Variants in CES5A observed in about 807,000 individuals in gnomAD.
CES5A encodes the protein carboxylesterase 5.
CES5A carries 67 observed loss-of-function variants against 62.9 expected under a neutral mutation model. That is an observed-to-expected ratio of 1.07 (90% confidence interval 0.88 to 1.31). The LOEUF is 1.31. Among genes scored for constraint, CES5A ranks in the 50% most tolerant of loss-of-function variants. The pLI, the probability that CES5A is intolerant of heterozygous loss-of-function variation, is 0.00. For missense variants in CES5A, 748 were observed against 708.5 expected (o/e 1.06, Z -0.63); for synonymous variants, 296 against 280.8 (o/e 1.05, Z -0.54).
At chr16:55,881,408 A>G (rs1221570057) in intron 1 of CES5A, among the ~76,000 whole-genome samples, 1 of 152,194 alleles carries the variant, frequency 6.6e-6, no homozygotes, top group Non-Finnish European at 1.5e-5. Context: ...TGAGGGTGGT[A>G]AGCCTGAGGG....
chr16:55,926,310 A>G (rs2034257282), upstream of CES5A, among the ~76,000 whole-genome samples: 1 of 152,234 alleles, frequency 6.6e-6, no homozygotes, highest in Admixed American at 6.5e-5. Flanking sequence ...TTGTCCTTCA[A>G]CCAATAACTA....
intron 1 of CES5A, among the ~76,000 whole-genome samples, chr16:55,899,628 T>A (rs1284642283): frequency 1.3e-5 from 2 of 152,124 alleles, no homozygotes; most frequent in African/African-American, 4.8e-5. Flanking sequence ...ACCTTCTAAG[T>A]TTTACTAGGT....
At chr16:55,954,068 A>G (rs114541904) in intron 1 of CES5A, among the ~76,000 whole-genome samples, 2,993 of 152,232 alleles carry the variant, frequency 0.02, 77 homozygotes, top group East Asian at 0.095. Context: ...GCCTCTGGTA[A>G]CCATCATTCT....
At chr16:55,942,662 T>G (rs1242824061) in intron 2 of CES5A, among the ~76,000 whole-genome samples, 1 of 152,216 alleles carries the variant, frequency 6.6e-6, no homozygotes, top group Non-Finnish European at 1.5e-5. Context: ...TATTGTATGC[T>G]TCAACATTCC....
intron 8 of CES5A, among the ~76,000 whole-genome samples, chr16:55,857,122 C>G (rs1279938299): frequency 1.3e-5 from 2 of 152,156 alleles, no homozygotes; most frequent in Non-Finnish European, 2.9e-5. Flanking sequence ...AGAAGAGAAG[C>G]CACAGTGGGA....
upstream of CES5A, among the ~76,000 whole-genome samples, chr16:55,927,970 G>A (rs761867120): frequency 4.6e-5 from 7 of 152,308 alleles, no homozygotes; most frequent in African/African-American, 1.4e-4. Context: ...GAGGCTGGGC[G>A]CGGTGGCTCA....
chr16:55,873,411 C>T (rs560201573), intron 2 of CES5A, among the ~76,000 whole-genome samples: 1 of 152,260 alleles, frequency 6.6e-6, no homozygotes, highest in East Asian at 1.9e-4. Context: ...AAAACCCTCA[C>T]CCAGTCTGAC....
At chr16:55,926,206 A>C (rs184375077), upstream of CES5A, among the ~76,000 whole-genome samples, 1 of 152,316 alleles carries the variant, frequency 6.6e-6, no homozygotes, top group African/African-American at 2.4e-5. Flanking sequence ...AATTATGTGA[A>C]TATATTAAAT....
chr16:55,945,938 T>A (rs1326482938), intron 2 of CES5A, among the ~76,000 whole-genome samples: 1 of 152,110 alleles, frequency 6.6e-6, no homozygotes, highest in Non-Finnish European at 1.5e-5. Context: ...CCCCAGGATT[T>A]GACCCTCCTG....
chr16:55,890,234 A>G (rs1293820418), intron 1 of CES5A, among the ~76,000 whole-genome samples: 2 of 152,204 alleles, frequency 1.3e-5, no homozygotes, highest in Non-Finnish European at 2.9e-5. Flanking sequence ...ACTTGAAAAA[A>G]AAAATGAAAG....
upstream of CES5A, among the ~76,000 whole-genome samples, chr16:55,878,409 C>T (rs371077880): frequency 2.8e-4 from 42 of 152,124 alleles, no homozygotes; most frequent in African/African-American, 9.4e-4. Context: ...CATGGACCCA[C>T]AGCTGGGAAG....
intron 1 of CES5A, among the ~76,000 whole-genome samples, chr16:55,909,864 C>A (rs1438457813): frequency 6.6e-6 from 1 of 152,288 alleles, no homozygotes; most frequent in East Asian, 1.9e-4. Context: ...GGATCTGGAC[C>A]AGATGGTCCC....
intron 2 of CES5A, among the ~76,000 whole-genome samples, chr16:55,946,890 A>T (rs1329737097): frequency 6.6e-6 from 1 of 152,080 alleles, no homozygotes; most frequent in Non-Finnish European, 1.5e-5. Context: ...TCTTATTGTG[A>T]TGGAAGAAGC....
upstream of CES5A, among the ~76,000 whole-genome samples, chr16:55,929,161 G>C (rs2034285617): frequency 6.6e-6 from 1 of 152,208 alleles, no homozygotes; most frequent in South Asian, 2.1e-4. Flanking sequence ...GTGGGCAATA[G>C]AAGGGAACAG....
intron 1 of CES5A, among the ~76,000 whole-genome samples, chr16:55,922,763 A>T (rs1384185571): frequency 1.3e-5 from 2 of 151,988 alleles, no homozygotes; most frequent in African/African-American, 2.4e-5. Flanking sequence ...CATATAGAAT[A>T]TTCTCCAGAA....
intron 2 of CES5A, among the ~76,000 whole-genome samples, chr16:55,939,789 C>T (rs985474591): frequency 6.7e-6 from 1 of 150,342 alleles, no homozygotes; most frequent in Non-Finnish European, 1.5e-5. Flanking sequence ...CAAGCTTTAA[C>T]CAATTTAAAA....
At chr16:55,869,898 C>T (rs1434580780) in intron 3 of CES5A, among the ~76,000 whole-genome samples, 154 bp from the exon 4 acceptor site, 2 of 152,218 alleles carry the variant, frequency 1.3e-5, no homozygotes, top group African/African-American at 4.8e-5. Context: ...CAGGGTTAAG[C>T]ATGTGGGCTC....
chr16:55,852,368 C>T (rs147588250), intron 10 of CES5A, among the ~76,000 whole-genome samples: 381 of 152,236 alleles, frequency 2.5e-3, no homozygotes, highest in South Asian at 0.023. Flanking sequence ...CTTTTACATT[C>T]ATTGGGATTT....
rs1407553016 is a variant in CES5A at position 55,853,119 on chromosome 16, T to G, written c.1126-91A>C. The G allele has an allele frequency of 1.4e-5, 18 of 1,300,174 alleles. No individual in the cohort carries two copies. In the African/African-American group the frequency reaches 2.6e-4, roughly 19 times the overall value. 80.5% of individuals were successfully genotyped at this position (1,300,174 alleles called of 1,614,324 possible). A position where few individuals can be genotyped will look rare whatever the true frequency, so the allele number is the denominator to read the frequency against. ...CCTGTGCAGGTATGATTCTGAATGC[T>G]TTACCCACATTGCTTCATTTAACCC... On this transcript the variant is annotated intron_variant, in intron 9 of 12. Coordinates refer to ENST00000290567, the MANE Select transcript of CES5A (RefSeq NM_001143685.2).
Sources: allele counts gnomAD v4.1 joint callset (sites outside exome capture counted in the v4.1 genomes callset), GRCh38; gene constraint gnomAD v4.1.1; transcripts MANE v1.5; gene names NCBI Gene and HGNC (gene_info 2026-07-23, HGNC 2026-07-21).